SCEL: variants seen among roughly 807,000 people sequenced by gnomAD.
SCEL encodes sciellin.
In SCEL, 113 loss-of-function variants were observed where a neutral mutation model predicts 117.6. That is an observed-to-expected ratio of 0.96 (90% confidence interval 0.83 to 1.12). SCEL has a LOEUF of 1.12. Among genes scored for constraint, SCEL ranks in the 50% most tolerant of loss-of-function variants. The pLI is 0.00. For missense variants in SCEL, 785 were observed against 810.8 expected (o/e 0.97, Z 0.39); for synonymous variants, 270 against 256.2 (o/e 1.05, Z -0.51).
chr13:77,551,378 C>G (rs1431508095), intron 1 of SCEL, among the ~76,000 whole-genome samples: 2 of 152,270 alleles, frequency 1.3e-5, no homozygotes, highest in Non-Finnish European at 2.9e-5. Context: ...GAATGACTTG[C>G]CTATTTTATA....
chr13:77,626,960 AC>A lies in SCEL; in HGVS notation c.1629-986del, dbSNP rs66827085. ...CCTAACTCATGACAAAAGAAAAAAAACAGAACTATCAATGTTATACCTAATA... is the reference window on the plus strand; with the variant it reads ...CCTAACTCATGACAAAAGAAAAAAAAAGAACTATCAATGTTATACCTAATA... On this transcript the variant is annotated intron_variant, in intron 27 of 32. Transcript: ENST00000349847. 6.9e-3 allele frequency among the ~76,000 whole-genome samples: 1,041 copies of A among 151,614 alleles called. 6 individuals are homozygous for A. Among genetic ancestry groups the A allele is most frequent in the Non-Finnish European group, 0.01 (709 of 67,820 alleles).
At chr13:77,612,063 A>G (rs572499363) in intron 22 of SCEL, among the ~76,000 whole-genome samples, 46 of 152,340 alleles carry the variant, frequency 3.0e-4, no homozygotes, top group African/African-American at 9.4e-4. Context: ...AGTAATTTAC[A>G]TGGAAGGATA....
At chr13:77,597,857 T>C (rs551923333) in intron 13 of SCEL, among the ~76,000 whole-genome samples, 3 of 152,070 alleles carry the variant, frequency 2.0e-5, no homozygotes, top group Admixed American at 2.0e-4. Context: ...TTTCTCTTCC[T>C]GAAATATTAA....
At chr13:77,616,064 G>A (rs935612661) in intron 24 of SCEL, among the ~76,000 whole-genome samples, 3 of 151,080 alleles carry the variant, frequency 2.0e-5, no homozygotes, top group Non-Finnish European at 4.4e-5. Context: ...GTAAAAGACA[G>A]TATTAGGCTG....
At chr13:77,632,485 C>T (rs910019794) in intron 28 of SCEL, among the ~76,000 whole-genome samples, 1 of 152,212 alleles carries the variant, frequency 6.6e-6, no homozygotes, top group African/African-American at 2.4e-5. Context: ...CTTCTCATCA[C>T]TTAATAAAAT....
At chr13:77,584,959 TCA>T (rs2086479089) in intron 9 of SCEL, among the ~76,000 whole-genome samples, 1 of 152,182 alleles carries the variant, frequency 6.6e-6, no homozygotes, top group Non-Finnish European at 1.5e-5. Context: ...TCCAGAAATA[TCA>T]CACAACAGAA....
rs201148509 is a variant in SCEL at position 77,569,365 on chromosome 13, A to G, written c.399-6A>G. 13 of 1,612,252 alleles carry G rather than the reference A, an allele frequency of 8.1e-6. No individual in the cohort carries two copies. The highest frequency in any genetic ancestry group is 1.0e-5 in the Non-Finnish European group (12 of 1,178,520). On this transcript the variant is annotated splice_polypyrimidine_tract_variant and splice_region_variant and intron_variant, in intron 7 of 32. Transcript: ENST00000349847. ...GGGATTAATTGTTGTTCTTGTCATT[A>G]AACAGGCAACCTGGCGGTTCATTGA...
At position 77,640,687 on chromosome 13, in the gene SCEL, A is replaced by G. The variant is rs768817184; in HGVS notation, c.1850A>G (p.Glu617Gly). 1.9e-6 allele frequency: 3 copies of G among 1,575,804 alleles called. No homozygotes were observed. The highest frequency in any genetic ancestry group is 1.7e-6 in the Non-Finnish European group (2 of 1,154,026). ...TTACATTTCTATAGGTCTGTCATTG[A>G]AAGAGATATGTGCACTTACTGCCGA... ...VYSTSDRSVI[E>G]RDMCTYCRKP... Residue 617 changes from glutamate to glycine, a missense_variant, in exon 31 of 33, where the codon GAA becomes GGA. By Grantham distance (98) the Glu-to-Gly change is moderately conservative. Coordinates refer to ENST00000349847, the MANE Select transcript of SCEL (RefSeq NM_144777.3).
rs544057485 is a variant in SCEL, at chr13:77,543,074, T to C, written c.-20+7250T>C. On this transcript the variant is annotated intron_variant, in intron 1 of 32. Transcript: ENST00000349847. ...CTTTTCTGTATTTGTTTATTTATTC[T>C]ACTTTAGCTTTTTTTTTTTTTTTTT... is the stretch of plus-strand genomic sequence containing the variant. Among the ~76,000 whole-genome samples, 25 of 150,174 alleles carry C rather than the reference T, an allele frequency of 1.7e-4. No individual in the cohort carries two copies. In the South Asian group the frequency reaches 4.8e-3, roughly 29 times the overall value.
At chr13:77,596,834 G>C (rs1177651733) in intron 12 of SCEL, among the ~76,000 whole-genome samples, 1 of 152,080 alleles carries the variant, frequency 6.6e-6, no homozygotes, top group Non-Finnish European at 1.5e-5. Flanking sequence ...CCTCACCTAG[G>C]CTGCCTGCTT....
At chr13:77,555,169 G>A (rs1257376533) in intron 1 of SCEL, among the ~76,000 whole-genome samples, 18 of 152,112 alleles carry the variant, frequency 1.2e-4, no homozygotes, top group Non-Finnish European at 4.4e-5. Context: ...AGGCAAAAGC[G>A]CCTAGGACCC....
chr13:77,547,263 G>A (rs12430565), intron 1 of SCEL, among the ~76,000 whole-genome samples: 4,071 of 152,164 alleles, frequency 0.027, 182 homozygotes, highest in East Asian at 0.14. Context: ...AAAGAGAGAG[G>A]CGTGGCATTC....
chr13:77,637,419 T>TAAATAA (rs2090356431), intron 30 of SCEL, among the ~76,000 whole-genome samples: 2 of 99,624 alleles, frequency 2.0e-5, no homozygotes, highest in Non-Finnish European at 4.4e-5. Flanking sequence ...AATAAATATA[T>TAAATAA]ATATATATAT....
intron 21 of SCEL, among the ~76,000 whole-genome samples, chr13:77,609,595 G>A (rs1156614129): frequency 6.6e-6 from 1 of 152,194 alleles, no homozygotes; most frequent in African/African-American, 2.4e-5. Flanking sequence ...AGTTCCAATA[G>A]ATATTTGGTG....
intron 15 of SCEL, among the ~76,000 whole-genome samples, chr13:77,601,215 G>A (rs958611233): frequency 1.3e-5 from 2 of 151,538 alleles, no homozygotes; most frequent in African/African-American, 4.9e-5. Context: ...AAAAGTGGTA[G>A]ACAAAAGGAC....
Position 77,609,853 on chromosome 13 carries a change from A to T in SCEL, c.1278-194A>T, listed in dbSNP as rs534081750. On this transcript the variant is annotated intron_variant, in intron 21 of 32. Coordinates refer to ENST00000349847, the MANE Select transcript of SCEL (RefSeq NM_144777.3). ...CATTTTCTAGAAGTTCTTATTCATT[A>T]TTTCTCTCCAGTTTTAGTTAGGTCC... Among the ~76,000 whole-genome samples the T allele has an allele frequency of 1.5e-4, 23 of 152,232 alleles. No homozygotes were observed. The East Asian group carries it at 3.3e-3, about 22-fold the overall frequency.
intron 24 of SCEL, among the ~76,000 whole-genome samples, chr13:77,616,469 A>G (rs1347148868): frequency 1.3e-5 from 2 of 152,078 alleles, no homozygotes; most frequent in Non-Finnish European, 2.9e-5. Context: ...GTTTTAATAT[A>G]TCAATCATTC....
intron 29 of SCEL, among the ~76,000 whole-genome samples, chr13:77,636,637 T>G (rs182061439): frequency 2.7e-4 from 41 of 152,330 alleles, no homozygotes; most frequent in Non-Finnish European, 5.1e-4. Context: ...TCATACTTCT[T>G]TGCTTTCATT....
At chr13:77,581,022 C>T (rs2086235153) in intron 9 of SCEL, among the ~76,000 whole-genome samples, 1 of 152,068 alleles carries the variant, frequency 6.6e-6, no homozygotes, top group African/African-American at 2.4e-5. Context: ...TAAAATGTAA[C>T]CTTTCTAATT....
Sources: allele counts gnomAD v4.1 joint callset (sites outside exome capture counted in the v4.1 genomes callset), GRCh38; gene constraint gnomAD v4.1.1; transcripts MANE v1.5; gene names NCBI Gene and HGNC (gene_info 2026-07-23, HGNC 2026-07-21).